Variants in GRM1 observed in about 807,000 individuals in gnomAD.
GRM1 encodes metabotropic glutamate receptor 1.
In GRM1, 33 loss-of-function variants were observed where a neutral mutation model predicts 90.9. The observed-to-expected ratio is 0.36, with a 90% CI of 0.28 to 0.49. The LOEUF (loss-of-function observed/expected upper bound fraction) is 0.49. Among genes scored for constraint, GRM1 ranks in the 20% least tolerant of loss-of-function variants. GRM1 has a pLI of 0.99. For missense variants in GRM1, 1,190 were observed against 1,534.3 expected, an observed-to-expected ratio of 0.78 and a Z score of 3.75; for synonymous variants, 700 against 613.2, an observed-to-expected ratio of 1.14 and a Z score of -2.09.
chr6:146,382,627 T>G (rs759495686), intron 5 of GRM1, among the ~76,000 whole-genome samples: 1 of 152,054 alleles, frequency 6.6e-6, no homozygotes, highest in Non-Finnish European at 1.5e-5. Flanking sequence ...CACAGACATA[T>G]GTAAGAAATT....
intron 5 of GRM1, among the ~76,000 whole-genome samples, chr6:146,368,265 G>C (rs1051569568): frequency 7.2e-6 from 1 of 138,614 alleles, no homozygotes. Context: ...TTTTTTGGGG[G>C]GGGGGGTAGA....
intron 7 of GRM1, among the ~76,000 whole-genome samples, chr6:146,421,438 A>G (rs1777989735): frequency 6.6e-6 from 1 of 152,146 alleles, no homozygotes; most frequent in Non-Finnish European, 1.5e-5. Flanking sequence ...ATAATATGCT[A>G]AACACTATCA....
chr6:146,100,999 G>T (rs1256686603), intron 1 of GRM1, among the ~76,000 whole-genome samples: 2 of 152,096 alleles, frequency 1.3e-5, no homozygotes. Flanking sequence ...GGGCTGAGGT[G>T]GGAGGATGGC....
intron 1 of GRM1, among the ~76,000 whole-genome samples, chr6:146,098,043 A>G (rs1055072341): frequency 6.6e-6 from 1 of 152,160 alleles, no homozygotes; most frequent in Non-Finnish European, 1.5e-5. Flanking sequence ...ATAAATATTT[A>G]TAAAACTGAT....
intron 7 of GRM1, among the ~76,000 whole-genome samples, chr6:146,423,122 C>A (rs1778060378): frequency 6.6e-6 from 1 of 152,234 alleles, no homozygotes; most frequent in African/African-American, 2.4e-5. Flanking sequence ...TCCACAACTT[C>A]TGCCAAAAGA....
At chr6:146,325,858 G>T (rs937214842) in intron 3 of GRM1, among the ~76,000 whole-genome samples, 2 of 151,950 alleles carry the variant, frequency 1.3e-5, no homozygotes, top group African/African-American at 4.8e-5. Context: ...GCCTTTTCTT[G>T]AAATTAAAAT....
chr6:146,349,727 C>T (rs777059186), intron 3 of GRM1, among the ~76,000 whole-genome samples: 2 of 152,070 alleles, frequency 1.3e-5, no homozygotes, highest in Non-Finnish European at 2.9e-5. Flanking sequence ...TTGAAAAAAG[C>T]AGTGCCAGAT....
chr6:146,405,948 A>C (rs948447976), intron 7 of GRM1, among the ~76,000 whole-genome samples: 2 of 152,206 alleles, frequency 1.3e-5, no homozygotes, highest in African/African-American at 4.8e-5. Context: ...GTTAACCTTG[A>C]GAGGTTTCAG....
rs1271588013 is a variant in GRM1, at chr6:146,392,100, T to C, written c.1729+5084T>C. ...ATTAGGGGAACTTGGATTTACGATATGCAGTTTAAAGTTTAAAATGTGTTT... is the reference window on the plus strand; with the variant it reads ...ATTAGGGGAACTTGGATTTACGATACGCAGTTTAAAGTTTAAAATGTGTTT... On this transcript the variant is annotated intron_variant, in intron 6 of 7. Coordinates refer to ENST00000282753, the MANE Select transcript of GRM1 (RefSeq NM_001278064.2). 2.6e-5 allele frequency among the ~76,000 whole-genome samples: 4 copies of C among 152,284 alleles called. No individual in the cohort carries two copies. In the East Asian group the frequency reaches 7.7e-4, roughly 29 times the overall value.
chr6:146,372,606 G>T (rs1032732138), intron 5 of GRM1, among the ~76,000 whole-genome samples: 2 of 152,050 alleles, frequency 1.3e-5, no homozygotes, highest in African/African-American at 2.4e-5. Flanking sequence ...TTAGATTTAA[G>T]TCTTTAATTG....
At chr6:146,255,471 G>C (rs998783957) in intron 2 of GRM1, among the ~76,000 whole-genome samples, 1 of 151,986 alleles carries the variant, frequency 6.6e-6, no homozygotes, top group Non-Finnish European at 1.5e-5. Context: ...AACCTTTAGT[G>C]CTTGATCTAT....
rs1484112190 is a variant in GRM1, at chr6:146,102,738, A to T, written c.701-56610A>T. ...AATAATTCTTTCAGTTTAGCAGCTT[A>T]CATTTTGATATTGCCCAACAGAGTA... is the stretch of plus-strand genomic sequence containing the variant. On this transcript the variant is annotated intron_variant, in intron 1 of 7. Coordinates refer to ENST00000282753, the MANE Select transcript of GRM1 (RefSeq NM_001278064.2). Among the ~76,000 whole-genome samples the T allele has an allele frequency of 6.6e-5, 10 of 152,210 alleles. No individual in the cohort carries two copies. In the East Asian group the frequency reaches 1.5e-3, roughly 23 times the overall value.
intron 2 of GRM1, among the ~76,000 whole-genome samples, chr6:146,165,590 CT>C (rs1777877276): frequency 6.6e-6 from 1 of 152,120 alleles, no homozygotes; most frequent in Non-Finnish European, 1.5e-5. Context: ...ATGACTTGGC[CT>C]TTTCTCAGCT....
At chr6:146,401,071 T>C (rs1777141740) in intron 7 of GRM1, among the ~76,000 whole-genome samples, 1 of 152,162 alleles carries the variant, frequency 6.6e-6, no homozygotes, top group Non-Finnish European at 1.5e-5. Flanking sequence ...TTTAAATTTC[T>C]TGGTTTTTGT....
intron 4 of GRM1, among the ~76,000 whole-genome samples, chr6:146,355,963 G>A (rs1785567857): frequency 6.6e-6 from 1 of 152,192 alleles, no homozygotes; most frequent in Non-Finnish European, 1.5e-5. Flanking sequence ...CTTTGCATAG[G>A]TACTGCAGAA....
At chr6:146,287,575 C>G (rs939247131) in intron 2 of GRM1, among the ~76,000 whole-genome samples, 2 of 152,156 alleles carry the variant, frequency 1.3e-5, no homozygotes, top group African/African-American at 2.4e-5. Context: ...AATATTCAAT[C>G]TCCAATGAAT....
At chr6:146,212,732 TCAAAAACTG>T (rs1189723294) in intron 2 of GRM1, among the ~76,000 whole-genome samples, 1 of 152,130 alleles carries the variant, frequency 6.6e-6, no homozygotes, top group African/African-American at 2.4e-5. Flanking sequence ...AGTTCAAAGA[TCAAAAACTG>T]GACCCTTTAG....
At chr6:146,052,028 T>C (rs1161933804) in intron 1 of GRM1, among the ~76,000 whole-genome samples, 2 of 152,076 alleles carry the variant, frequency 1.3e-5, no homozygotes, top group Admixed American at 1.3e-4. Flanking sequence ...TTATATCTCT[T>C]CTGATTTATA....
At position 146,434,971 on chromosome 6, in the gene GRM1, GGA is replaced by G; in HGVS notation, c.*176_*177del. On this transcript the variant is annotated 3_prime_UTR_variant, in exon 8 of 8. Coordinates refer to ENST00000282753, the MANE Select transcript of GRM1 (RefSeq NM_001278064.2). ...CTGCCTTAAGTAGGAAGAGAGGGAA[GGA>G]CACCAAGCAAAAAATGTTCCAGGCC... The G allele has an allele frequency of 1.5e-6, 1 of 652,470 alleles. No individual in the cohort carries two copies. Among genetic ancestry groups the G allele is most frequent in the Non-Finnish European group, 2.7e-6 (1 of 368,832 alleles). The allele number at this position is 652,470 out of a possible 1,614,324, so 40.4% of individuals were successfully genotyped here. A position where few individuals can be genotyped will look rare whatever the true frequency, so the allele number is the denominator to read the frequency against.
Sources: gnomAD v4.1 joint callset for allele counts (sites outside exome capture counted in the v4.1 genomes callset) on GRCh38, gnomAD v4.1.1 for gene constraint, MANE v1.5 for transcripts, NCBI Gene and HGNC (gene_info 2026-07-23, HGNC 2026-07-21) for gene names.